SLC9A7: variants seen among roughly 807,000 people sequenced by gnomAD.
SLC9A7 encodes the protein sodium/hydrogen exchanger 7.
A neutral mutation model predicts 52.6 loss-of-function variants in SLC9A7; 19 were observed. That is an observed-to-expected ratio of 0.36 (90% CI 0.25 to 0.53). The LOEUF (loss-of-function observed/expected upper bound fraction) is 0.53. Among genes scored for constraint, SLC9A7 ranks in the 20% least tolerant of loss-of-function variants. The pLI, the probability that SLC9A7 is intolerant of heterozygous loss-of-function variation, is 0.91. For missense variants in SLC9A7, 455 were observed against 597.9 expected, an observed-to-expected ratio of 0.76 and a Z score of 2.49; for synonymous variants, 226 against 252.1, an observed-to-expected ratio of 0.90 and a Z score of 0.98.
chrX:46,693,382 A>G, intron 1 of SLC9A7, among the ~76,000 whole-genome samples: 1 of 111,868 alleles, frequency 8.9e-6, no homozygotes, highest in Non-Finnish European at 1.9e-5. Context: ...ATAAGGATAG[A>G]CACATAGCTC....
At chrX:46,692,875 T>C (rs67496984) in intron 1 of SLC9A7, among the ~76,000 whole-genome samples, 25,877 of 109,834 alleles carry the variant, frequency 0.24, 2,498 homozygotes, top group South Asian at 0.4. Flanking sequence ...GAGTCAAAGT[T>C]TGTCTCCCTG....
At chrX:46,705,591 T>A (rs921359100) in intron 1 of SLC9A7, among the ~76,000 whole-genome samples, 17 of 111,393 alleles carry the variant, frequency 1.5e-4, no homozygotes, top group Admixed American at 1.5e-3. Flanking sequence ...ATACAAAAAA[T>A]TTAAAAAATT....
intron 7 of SLC9A7, among the ~76,000 whole-genome samples, chrX:46,653,971 G>C (rs758888479): frequency 6.3e-5 from 7 of 111,327 alleles, no homozygotes; most frequent in African/African-American, 2.3e-4. Context: ...CTTCTGTTTC[G>C]GATGATGAAA....
chrX:46,637,569 G>A (rs939357468), intron 12 of SLC9A7, among the ~76,000 whole-genome samples: 6 of 111,327 alleles, frequency 5.4e-5, no homozygotes, highest in Non-Finnish European at 7.5e-5. Context: ...GGTGTATGTC[G>A]TTCCACCGCC....
At chrX:46,609,536 TAA>T (rs1462168950) in intron 16 of SLC9A7, among the ~76,000 whole-genome samples, 5 of 95,863 alleles carry the variant, frequency 5.2e-5, no homozygotes, top group Non-Finnish European at 8.0e-5. Context: ...CCATCTCTAT[TAA>T]AAATACAAAA....
chrX:46,668,073 T>A (rs1029735804), intron 5 of SLC9A7, among the ~76,000 whole-genome samples: 3 of 111,897 alleles, frequency 2.7e-5, no homozygotes, highest in African/African-American at 9.8e-5. Context: ...CTACAGATAA[T>A]CATGTGTGTT....
At chrX:46,717,350 T>C (rs1222348323) in intron 1 of SLC9A7, among the ~76,000 whole-genome samples, 1 of 111,959 alleles carries the variant, frequency 8.9e-6, no homozygotes, top group African/African-American at 3.2e-5. Context: ...GTCATCTTCT[T>C]AAATGTCCCA....
At chrX:46,660,813 C>T (rs1198699176) in intron 7 of SLC9A7, among the ~76,000 whole-genome samples, 1 of 108,561 alleles carries the variant, frequency 9.2e-6, no homozygotes, top group African/African-American at 3.4e-5. Context: ...GTCAGTGTGG[C>T]GATTCCTCAG....
At chrX:46,754,668 A>G (rs920502518) in intron 1 of SLC9A7, among the ~76,000 whole-genome samples, 2 of 76,430 alleles carry the variant, frequency 2.6e-5, no homozygotes, top group African/African-American at 7.2e-5. Context: ...GCTGATCAAC[A>G]TATTTTTGGA....
intron 11 of SLC9A7, among the ~76,000 whole-genome samples, chrX:46,645,307 T>G (rs1015178750): frequency 9.8e-5 from 11 of 112,282 alleles, no homozygotes; most frequent in African/African-American, 3.6e-4. Flanking sequence ...ATCACCGTCC[T>G]CTTCACCAAG....
chrX:46,631,100 A>G (rs1317651105), intron 14 of SLC9A7, among the ~76,000 whole-genome samples: 1 of 112,374 alleles, frequency 8.9e-6, no homozygotes, highest in African/African-American at 3.2e-5. Context: ...CGTGGACTTC[A>G]TGGAGAAAAG....
intron 5 of SLC9A7, among the ~76,000 whole-genome samples, chrX:46,663,345 GA>G (rs1167172367): frequency 2.9e-3 from 231 of 78,656 alleles, no homozygotes; most frequent in Middle Eastern, 0.019. Context: ...AAAACAGAAA[GA>G]AAAAAAAAAG....
rs986893925 is a variant in SLC9A7 at position 46,622,350 on chromosome X, G to C, written c.1741-1291C>G. ...ATTGCTAACCCAATGACAACTCTGG[G>C]AAGATTCCAAAATGCCACATGACTG... On this transcript the variant is annotated intron_variant, in intron 14 of 16. Transcript: ENST00000616978. Among the ~76,000 whole-genome samples, 19 of 111,857 alleles carry C rather than the reference G, an allele frequency of 1.7e-4. No individual in the cohort carries two copies. The Admixed American group carries it at 1.8e-3, about 11-fold the overall frequency.
chrX:46,646,078 TTTTTTGTTTTTGTTTTTG>T (rs1008939591), intron 11 of SLC9A7, among the ~76,000 whole-genome samples: 1 of 111,751 alleles, frequency 8.9e-6, no homozygotes, highest in African/African-American at 3.3e-5. Context: ...GAAACTGTTT[TTTTTTGTTTTTGTTTTTG>T]TTTTTGTTTT....
chrX:46,615,673 T>C (rs1198195521), intron 15 of SLC9A7, among the ~76,000 whole-genome samples: 2 of 109,478 alleles, frequency 1.8e-5, no homozygotes, highest in Non-Finnish European at 3.8e-5. Context: ...TATATATATA[T>C]ATATAACCAG....
chrX:46,653,055 C>T (rs1433362179), intron 8 of SLC9A7, among the ~76,000 whole-genome samples: 2 of 112,172 alleles, frequency 1.8e-5, no homozygotes, highest in Non-Finnish European at 3.8e-5. Context: ...AGAATGAGTA[C>T]TCAAAAATGT....
chrX:46,614,883 A>T (rs1942918923), intron 15 of SLC9A7, among the ~76,000 whole-genome samples: 1 of 112,238 alleles, frequency 8.9e-6, no homozygotes, highest in African/African-American at 3.2e-5. Context: ...TAACAGGATG[A>T]CTGCTGGGAG....
chrX:46,625,437 T>C (rs1311480692), intron 14 of SLC9A7, among the ~76,000 whole-genome samples: 2 of 110,953 alleles, frequency 1.8e-5, no homozygotes, highest in Non-Finnish European at 3.8e-5. Context: ...GGGCCAGGCA[T>C]AGTGGCTCAC....
intron 15 of SLC9A7, among the ~76,000 whole-genome samples, chrX:46,619,884 G>A (rs1278617683): frequency 9.0e-6 from 1 of 110,987 alleles, no homozygotes. Flanking sequence ...TGATCCACCT[G>A]CCTTGGCCTC....
Sources: gnomAD v4.1 joint callset for allele counts (sites outside exome capture counted in the v4.1 genomes callset) on GRCh38, gnomAD v4.1.1 for gene constraint, MANE v1.5 for transcripts, NCBI Gene and HGNC (gene_info 2026-07-23, HGNC 2026-07-21) for gene names.